Variants in KLHL13 observed in about 807,000 individuals in gnomAD.
The protein encoded by KLHL13 is kelch like family member 13.
A neutral mutation model predicts 37.1 loss-of-function variants in KLHL13; 10 were observed. The ratio of observed to expected loss-of-function variants is 0.27; its 90% CI spans 0.17 to 0.46. The LOEUF is 0.46. Ranked by LOEUF, KLHL13 falls within the 20% of genes least tolerant of loss-of-function variation. The probability of loss-of-function intolerance (pLI) is 1.00; values close to 1 mark genes in which losing one functional copy is unlikely to be tolerated. For synonymous variants in KLHL13, 163 were observed against 181.2 expected, an observed-to-expected ratio of 0.90 and a Z score of 0.81; for missense variants, 360 against 509.3, an observed-to-expected ratio of 0.71 and a Z score of 2.82.
In KLHL13 at chrX:118,089,499, C is replaced by T. The variant is rs538024893; in HGVS notation, c.-56+27009G>A. 2.8e-5 allele frequency among the ~76,000 whole-genome samples: 3 copies of T among 107,165 alleles called. No individual in the cohort carries two copies. The South Asian group carries it at 1.3e-3, about 46-fold the overall frequency. 93.1% of individuals were successfully genotyped at this position (107,165 alleles called of 115,157 possible). The stretch of plus-strand genomic sequence containing the variant: ...GTAATGAGGCAGTGCCCTCCCTCCC[C>T]TGACACAGCAGTATCAGATGAAGCC... On this transcript the variant is annotated intron_variant, in intron 1 of 6. Coordinates refer to the KLHL13 transcript ENST00000371882.
At chrX:118,088,225 T>C (rs904934630) in intron 1 of KLHL13, among the ~76,000 whole-genome samples, 45 of 112,419 alleles carry the variant, frequency 4.0e-4, no homozygotes, top group African/African-American at 1.2e-3. Flanking sequence ...CTACATTTAC[T>C]GTTTCAAAGA....
intron 2 of KLHL13, among the ~76,000 whole-genome samples, chrX:117,938,456 T>C (rs754434996): frequency 9.0e-6 from 1 of 111,398 alleles, no homozygotes; most frequent in African/African-American, 3.3e-5. Context: ...GAAATGCAAA[T>C]TCCTGGGCCT....
chrX:118,105,381 A>G (rs1240234762), intron 1 of KLHL13, among the ~76,000 whole-genome samples: 1 of 112,718 alleles, frequency 8.9e-6, no homozygotes, highest in Non-Finnish European at 1.9e-5. Context: ...CCTAGTTCTT[A>G]TACATATTAG....
chrX:118,007,370 CAA>C (rs57382655), intron 1 of KLHL13, among the ~76,000 whole-genome samples: 7 of 46,614 alleles, frequency 1.5e-4, no homozygotes, highest in Non-Finnish European at 2.3e-4. Flanking sequence ...GAGACCCTGT[CAA>C]AAAAAAAAAA....
rs1028319440 is a variant in KLHL13, at chrX:117,944,364, G to A, written c.240+1070C>T. Among the ~76,000 whole-genome samples, 9 of 111,254 alleles carry A rather than the reference G, an allele frequency of 8.1e-5. 1 individual carries two copies. The highest frequency in any genetic ancestry group is 1.7e-4 in the Non-Finnish European group (9 of 53,115). On this transcript the variant is annotated intron_variant, in intron 2 of 6. Transcript: ENST00000262820. ...ATAGACCCCAGCTCCAATTAGAAACGGAAATACTGGGGAAATGGGATTTTA... is the reference window on the plus strand; with the variant it reads ...ATAGACCCCAGCTCCAATTAGAAACAGAAATACTGGGGAAATGGGATTTTA...
chrX:117,985,171 G>T, intron 1 of KLHL13: 1 of 780,459 alleles, frequency 1.3e-6, no homozygotes, highest in Non-Finnish European at 1.8e-6. Context: ...GCCACATATG[G>T]AAATAACAGG....
upstream of KLHL13, chrX:118,116,890 G>T (rs1256933886): frequency 3.0e-5 from 2 of 65,758 alleles, no homozygotes; most frequent in African/African-American, 1.1e-4. Flanking sequence ...GCGGGCGGGG[G>T]AAACATGGCG....
intron 1 of KLHL13, among the ~76,000 whole-genome samples, chrX:118,109,374 G>T (rs956448000): frequency 9.0e-6 from 1 of 111,648 alleles, no homozygotes; most frequent in Non-Finnish European, 1.9e-5. Context: ...GAACAGATTC[G>T]GGCAGTACAG....
At chrX:118,019,489 T>G (rs371143536) in intron 1 of KLHL13, among the ~76,000 whole-genome samples, 2,867 of 109,872 alleles carry the variant, frequency 0.026, 137 homozygotes, top group African/African-American at 0.091. Context: ...AGAAGCTCTT[T>G]AGTTGAATTA....
chrX:118,057,407 A>G (rs2148085628), intron 1 of KLHL13, among the ~76,000 whole-genome samples: 1 of 112,651 alleles, frequency 8.9e-6, no homozygotes, highest in Non-Finnish European at 1.9e-5. Context: ...ATAAAAACAA[A>G]TTTTTATGAC....
At chrX:118,097,288 GACAA>G (rs751269682) in intron 1 of KLHL13, among the ~76,000 whole-genome samples, 4,417 of 111,257 alleles carry the variant, frequency 0.04, 222 homozygotes, top group African/African-American at 0.14. Context: ...ACCTATAACA[GACAA>G]ACAGAGAACC....
At chrX:118,021,711 T>TGG (rs2054216586) in intron 1 of KLHL13, among the ~76,000 whole-genome samples, 1 of 110,573 alleles carries the variant, frequency 9.0e-6, no homozygotes, top group African/African-American at 3.4e-5. Context: ...CGTGTGCATG[T>TGG]CTTTATAGCA....
At chrX:118,091,274 A>G (rs2055130953) in intron 1 of KLHL13, among the ~76,000 whole-genome samples, 2 of 111,487 alleles carry the variant, frequency 1.8e-5, no homozygotes, top group African/African-American at 6.5e-5. Context: ...AACTTAAAGT[A>G]TAATAAAAAA....
chrX:118,026,309 C>T (rs2054274618), intron 1 of KLHL13, among the ~76,000 whole-genome samples: 1 of 111,557 alleles, frequency 9.0e-6, no homozygotes, highest in Non-Finnish European at 1.9e-5. Flanking sequence ...TCAAAAAGTT[C>T]ATGCAAAATG....
intron 1 of KLHL13, among the ~76,000 whole-genome samples, chrX:118,089,603 AG>A (rs1485126265): frequency 6.0e-4 from 52 of 86,333 alleles, no homozygotes; most frequent in African/African-American, 2.2e-3. Context: ...AGAGAGAGAG[AG>A]AGAGAGAGAA....
intron 1 of KLHL13, among the ~76,000 whole-genome samples, chrX:118,035,516 G>C (rs1203782341): frequency 2.9e-4 from 32 of 109,193 alleles, no homozygotes; most frequent in African/African-American, 9.8e-4. Context: ...AAAAGATGCA[G>C]AAAAGGCCTT....
chrX:118,037,674 G>A (rs1425529236), intron 1 of KLHL13, among the ~76,000 whole-genome samples: 1 of 111,129 alleles, frequency 9.0e-6, no homozygotes, highest in East Asian at 2.8e-4. Context: ...CAGTGCACCA[G>A]CATGGCACAT....
At chrX:117,990,379 A>C (rs772760873) in intron 1 of KLHL13, among the ~76,000 whole-genome samples, 1 of 111,870 alleles carries the variant, frequency 8.9e-6, no homozygotes, top group African/African-American at 3.2e-5. Flanking sequence ...CAACTTTCTA[A>C]GTCAAGATAG....
chrX:117,946,343 G>A (rs972196230), intron 1 of KLHL13: 2 of 111,981 alleles, frequency 1.8e-5, no homozygotes, highest in African/African-American at 6.5e-5. Flanking sequence ...GTATTTGCAT[G>A]TATTGCAGCA....
Sources: allele counts gnomAD v4.1 joint callset (sites outside exome capture counted in the v4.1 genomes callset), GRCh38; gene constraint gnomAD v4.1.1; transcripts MANE v1.5; gene names NCBI Gene and HGNC (gene_info 2026-07-23, HGNC 2026-07-21).